Variants in AXIN1 observed in about 807,000 individuals in gnomAD.
The protein encoded by AXIN1 is axin 1, also known as axin-1.
AXIN1 carries 30 observed loss-of-function variants against 76.4 expected under a neutral mutation model. That is an observed-to-expected ratio of 0.39 (90% CI 0.29 to 0.53). The LOEUF (loss-of-function observed/expected upper bound fraction) is 0.53, where lower values mean the gene tolerates loss of function less well. Ranked by LOEUF, AXIN1 falls within the 20% of genes least tolerant of loss-of-function variation. The probability of loss-of-function intolerance (pLI) is 0.66; values close to 1 mark genes in which losing one functional copy is unlikely to be tolerated. For synonymous variants in AXIN1, 545 were observed against 501.4 expected (o/e 1.09, Z -1.16); for missense variants, 1,140 against 1,198.8 (o/e 0.95, Z 0.72).
intron 3 of AXIN1, among the ~76,000 whole-genome samples, chr16:311,174 T>C (rs1241994070): frequency 6.6e-6 from 1 of 151,358 alleles, no homozygotes; most frequent in African/African-American, 2.4e-5. Flanking sequence ...GGACTACAGG[T>C]GCCCGCCACC....
At chr16:290,730 C>G (rs938626932) in intron 9 of AXIN1, 2 of 313,658 alleles carry the variant, frequency 6.4e-6, no homozygotes, top group African/African-American at 4.3e-5. Context: ...AGCCCCGACT[C>G]ACTGACTGCA....
chr16:308,125 C>T (rs1337852930), intron 4 of AXIN1, among the ~76,000 whole-genome samples: 3 of 152,230 alleles, frequency 2.0e-5, no homozygotes, highest in Non-Finnish European at 2.9e-5. Context: ...GGGTGCGGAA[C>T]GCAGCAGGGC....
chr16:318,004 ATCTGTAGCCCACGGCACTTGGTGCG>A (rs1226796460), intron 2 of AXIN1, among the ~76,000 whole-genome samples: 1 of 152,208 alleles, frequency 6.6e-6, no homozygotes, highest in Non-Finnish European at 1.5e-5. Context: ...ACACGGGTGC[ATCTGTAGCCCACGGCACTTGGTGCG>A]TCTGTAGCCC....
chr16:304,915 T>C (rs912332803), intron 4 of AXIN1, among the ~76,000 whole-genome samples: 56 of 152,158 alleles, frequency 3.7e-4, no homozygotes, highest in Admixed American at 3.3e-4. Flanking sequence ...CCTTTTCGTG[T>C]CCGGCCAGTC....
At chr16:290,726 G>A (rs965297377) in intron 9 of AXIN1, 11 of 308,090 alleles carry the variant, frequency 3.6e-5, no homozygotes, top group African/African-American at 1.5e-4. Flanking sequence ...GCAGAGCCCC[G>A]ACTCACTGAC....
At chr16:328,949 G>A (rs2053635517) in intron 2 of AXIN1, among the ~76,000 whole-genome samples, 2 of 152,050 alleles carry the variant, frequency 1.3e-5, no homozygotes. Context: ...CAACCCCTGG[G>A]TGCTGCCACG....
At chr16:294,705 A>C (rs1415623845) in intron 7 of AXIN1, among the ~76,000 whole-genome samples, 1 of 140,822 alleles carries the variant, frequency 7.1e-6, no homozygotes, top group Non-Finnish European at 1.5e-5. Flanking sequence ...CAGTGCGTTG[A>C]CACTGGCCTG....
chr16:344,118 C>T (rs1466922372), intron 2 of AXIN1, among the ~76,000 whole-genome samples: 2 of 151,958 alleles, frequency 1.3e-5, no homozygotes, highest in Non-Finnish European at 2.9e-5. Flanking sequence ...ATAAATACCA[C>T]TTGGCTAAAG....
intron 1 of AXIN1, 117 bp downstream of exon 1, chr16:352,252 C>G: frequency 1.6e-6 from 1 of 622,390 alleles, no homozygotes; most frequent in Non-Finnish European, 2.0e-6. Context: ...CCCAGCTCCC[C>G]GCGCGCCCAC....
chr16:290,435 T>G (rs2052523769), intron 9 of AXIN1: 1 of 155,964 alleles, frequency 6.4e-6, no homozygotes, highest in African/African-American at 2.4e-5. Context: ...CGGAGCCTCC[T>G]GGAGCCAGGC....
At position 290,972 on chromosome 16, in the gene AXIN1, T is replaced by C. The variant is rs935605142; in HGVS notation, c.2294+218A>G. ...CCTCCAGCCGGGCCTTTTGGTCACTTGTCATCATGCTGGACAGTCAGCGTC... is the reference window on the plus strand; with the variant it reads ...CCTCCAGCCGGGCCTTTTGGTCACTCGTCATCATGCTGGACAGTCAGCGTC... On this transcript the variant is annotated intron_variant, in intron 9 of 10. Coordinates refer to ENST00000262320, the MANE Select transcript of AXIN1 (RefSeq NM_003502.4). 8.2e-5 allele frequency: 50 copies of C among 608,534 alleles called. No homozygotes were observed. In the South Asian group the frequency reaches 8.8e-4, roughly 11 times the overall value. The allele number at this position is 608,534 out of a possible 1,614,324, so 37.7% of individuals were successfully genotyped here. A position where few individuals can be genotyped will look rare whatever the true frequency, so the allele number is the denominator to read the frequency against.
intron 9 of AXIN1, chr16:290,819 AG>A (rs1337848120): frequency 2.6e-6 from 1 of 387,838 alleles, no homozygotes; most frequent in Non-Finnish European, 5.0e-6. Flanking sequence ...TGCAGCCCCG[AG>A]CCTGGTCAAG....
intron 2 of AXIN1, among the ~76,000 whole-genome samples, chr16:315,089 G>A (rs952010112): frequency 6.6e-6 from 1 of 152,180 alleles, no homozygotes; most frequent in African/African-American, 2.4e-5. Context: ...CAGCTCAGAC[G>A]TCTCTGCACC....
intron 2 of AXIN1, among the ~76,000 whole-genome samples, chr16:314,945 G>C (rs1288269381): frequency 7.9e-5 from 12 of 152,228 alleles, no homozygotes; most frequent in Admixed American, 6.5e-4. Flanking sequence ...TGCACACACA[G>C]AGCATCCACA....
rs1220212175 is a variant in AXIN1, at chr16:332,448, G to A, written c.878+13700C>T. On this transcript the variant is annotated intron_variant, in intron 2 of 10. Transcript: ENST00000262320. ...AAAAATTAGCTGGGCGTGGTGGCGG[G>A]CGCCTGTAGTCCCAGCTCTAGGGAG... Among the ~76,000 whole-genome samples the A allele has an allele frequency of 1.3e-4, 19 of 151,784 alleles. 1 individual carries two copies. The highest frequency in any genetic ancestry group is 1.3e-4 in the Non-Finnish European group (9 of 67,944).
intron 4 of AXIN1, among the ~76,000 whole-genome samples, chr16:308,538 TC>T (rs1214322475): frequency 6.6e-6 from 1 of 152,234 alleles, no homozygotes; most frequent in Non-Finnish European, 1.5e-5. Context: ...AGAGGGCTGT[TC>T]CGGGCCTGTG....
intron 2 of AXIN1, among the ~76,000 whole-genome samples, chr16:326,231 A>G (rs1367328750): frequency 6.6e-6 from 1 of 151,102 alleles, no homozygotes; most frequent in Non-Finnish European, 1.5e-5. Flanking sequence ...ACAGGCGCCC[A>G]TAATCCCAGC....
At chr16:310,542 G>C (rs2053150519) in intron 3 of AXIN1, among the ~76,000 whole-genome samples, 1 of 152,166 alleles carries the variant, frequency 6.6e-6, no homozygotes. Context: ...GACTACAGGT[G>C]CCCGCCACCA....
chr16:317,066 T>G (rs920539132), intron 2 of AXIN1, among the ~76,000 whole-genome samples: 17 of 152,082 alleles, frequency 1.1e-4, no homozygotes, highest in African/African-American at 4.1e-4. Flanking sequence ...GAGTCCTTGG[T>G]GTGGAGGGAG....
Sources: allele counts gnomAD v4.1 joint callset (sites outside exome capture counted in the v4.1 genomes callset), GRCh38; gene constraint gnomAD v4.1.1; transcripts MANE v1.5; gene names NCBI Gene and HGNC (gene_info 2026-07-23, HGNC 2026-07-21).